SS18: variants seen among roughly 807,000 people sequenced by gnomAD.
SS18 encodes the protein SS18 subunit of BAF chromatin remodeling complex.
In SS18, 28 loss-of-function variants were observed where a neutral mutation model predicts 72.5. The observed-to-expected ratio is 0.39, with a 90% CI of 0.29 to 0.53. The LOEUF is 0.53. Among genes scored for constraint, SS18 ranks in the 20% least tolerant of loss-of-function variants. The pLI is 0.76. For synonymous variants in SS18, 172 were observed against 164.2 expected (o/e 1.05, Z -0.37); for missense variants, 518 against 535.3 (o/e 0.97, Z 0.32).
At chr18:26,055,694 C>T (rs370304642) in intron 4 of SS18, among the ~76,000 whole-genome samples, 2 of 150,634 alleles carry the variant, frequency 1.3e-5, no homozygotes, top group South Asian at 4.2e-4. Flanking sequence ...ACTGGCCTTC[C>T]AATTTCTCCT....
chr18:26,048,318 A>G (rs2053864844), intron 5 of SS18, among the ~76,000 whole-genome samples: 1 of 152,220 alleles, frequency 6.6e-6, no homozygotes, highest in East Asian at 1.9e-4. Flanking sequence ...CATTTTTTCC[A>G]GAAGTATTTG....
intron 10 of SS18, among the ~76,000 whole-genome samples, chr18:26,021,080 T>A (rs567927689): frequency 5.8e-4 from 89 of 152,272 alleles, no homozygotes; most frequent in African/African-American, 2.0e-3. Context: ...GGCCCATACT[T>A]GATCACAATG....
chr18:26,083,258 C>CAT (rs58482124), intron 2 of SS18, among the ~76,000 whole-genome samples: 15,585 of 151,720 alleles, frequency 0.1, 1,176 homozygotes, highest in African/African-American at 0.19. Context: ...GGGAAATGAT[C>CAT]ATATATATAT....
intron 5 of SS18, among the ~76,000 whole-genome samples, chr18:26,050,111 T>A (rs2053895250): frequency 6.6e-6 from 1 of 152,058 alleles, no homozygotes; most frequent in Admixed American, 6.6e-5. Flanking sequence ...GGCAGGCACC[T>A]GTCATCCCAG....
At chr18:26,056,049 G>C (rs762793560) in intron 4 of SS18, among the ~76,000 whole-genome samples, 1 of 152,108 alleles carries the variant, frequency 6.6e-6, no homozygotes, top group African/African-American at 2.4e-5. Context: ...GAGCCACCGC[G>C]CCTGGCCTGG....
intron 5 of SS18, 27 bp downstream of exon 5, chr18:26,052,597 G>A (rs1300589049): frequency 6.4e-7 from 1 of 1,569,282 alleles, no homozygotes; most frequent in South Asian, 1.1e-5. Flanking sequence ...GAGCACTCTA[G>A]TCAAGAAGGA....
In SS18 at chr18:26,057,500, T is replaced by C. The variant is rs1283633930; in HGVS notation, c.385+89A>G. ...CTCGGGGGCATTCAAAGCAGTTTTGTCATCAACAATCTAGTATCCCTTGAG... is the reference window on the plus strand; with the variant it reads ...CTCGGGGGCATTCAAAGCAGTTTTGCCATCAACAATCTAGTATCCCTTGAG... On this transcript the variant is annotated intron_variant, in intron 4 of 10. Transcript: ENST00000415083. 1.3e-5 allele frequency: 19 copies of C among 1,509,728 alleles called. 1 individual carries two copies. In the South Asian group the frequency reaches 2.2e-4, roughly 17 times the overall value. The allele number at this position is 1,509,728 out of a possible 1,614,324, so 93.5% of individuals were successfully genotyped here.
intron 10 of SS18, among the ~76,000 whole-genome samples, chr18:26,029,525 G>A (rs923641514): frequency 2.0e-5 from 3 of 152,130 alleles, no homozygotes; most frequent in African/African-American, 7.2e-5. Context: ...TGAAGGAAGA[G>A]GTGAAGGGGT....
chr18:26,089,466 T>A (rs2054675623), intron 1 of SS18, among the ~76,000 whole-genome samples: 1 of 152,226 alleles, frequency 6.6e-6, no homozygotes, highest in Non-Finnish European at 1.5e-5. Context: ...AGAAACCGAT[T>A]AGCATAATCT....
At position 26,030,684 on chromosome 18, in the gene SS18, CA is replaced by C. The variant is rs2053528328; in HGVS notation, c.1230+1714del. 2.6e-5 allele frequency among the ~76,000 whole-genome samples: 4 copies of C among 151,644 alleles called. No individual in the cohort carries two copies. The South Asian group carries it at 8.3e-4, about 32-fold the overall frequency. On this transcript the variant is annotated intron_variant, in intron 10 of 10. Transcript: ENST00000415083. ...ACAACATGCTAAAGCTGAGGGAATC[CA>C]AAGACAAGAGATGTTCTGTACATTT...
intron 9 of SS18, among the ~76,000 whole-genome samples, chr18:26,033,584 GC>G (rs1237845567): frequency 6.6e-6 from 1 of 151,138 alleles, no homozygotes; most frequent in Non-Finnish European, 1.5e-5. Flanking sequence ...TTCAAAACCT[GC>G]CATAAAAACA....
In SS18 at chr18:26,052,657, G is replaced by A. The variant is rs746766832; in HGVS notation, c.574C>T (p.Pro192Ser). The A allele has an allele frequency of 1.9e-6, 3 of 1,613,956 alleles. No individual in the cohort carries two copies. In the East Asian group the frequency reaches 6.7e-5, roughly 36 times the overall value. ...SQGQPMGNYG[P>S]RPNMSMQPNQ... ...GGCTGCATACTCATATTTGGTCTGG[G>A]ACCATAGTTTCCCATTGGTTGTCCC... Residue 192 changes from proline to serine, a missense_variant, in exon 5 of 11, where the codon CCC becomes TCC. Coordinates refer to ENST00000415083, the MANE Select transcript of SS18 (RefSeq NM_001007559.3).
chr18:26,058,268 T>C (rs571375743), intron 3 of SS18, among the ~76,000 whole-genome samples: 1 of 152,304 alleles, frequency 6.6e-6, no homozygotes, highest in Non-Finnish European at 1.5e-5. Flanking sequence ...ATTGGAAACA[T>C]TACTGATGGC....
chr18:26,057,861 G>A (rs967958489), intron 3 of SS18, 119 bp from the exon 4 acceptor site: 17 of 940,484 alleles, frequency 1.8e-5, no homozygotes, highest in African/African-American at 1.7e-4. Flanking sequence ...AATGCATTTC[G>A]AATTCTTCTA....
intron 10 of SS18, among the ~76,000 whole-genome samples, chr18:26,019,626 C>T (rs548400774): frequency 2.4e-4 from 36 of 151,972 alleles, no homozygotes; most frequent in Non-Finnish European, 4.6e-4. Context: ...GCCTGACTAA[C>T]ATGGTGAAAC....
chr18:26,088,401 G>A (rs1229374402), intron 1 of SS18, among the ~76,000 whole-genome samples: 2 of 152,092 alleles, frequency 1.3e-5, no homozygotes, highest in Non-Finnish European at 2.9e-5. Context: ...TAACAGCATG[G>A]TTTTGTGACT....
chr18:26,057,542 G>A, intron 4 of SS18, 47 bp downstream of exon 4: 1 of 1,611,512 alleles, frequency 6.2e-7, no homozygotes, highest in Non-Finnish European at 8.5e-7. Flanking sequence ...TGTCGTTTCA[G>A]TTGCTAAGCA....
chr18:26,078,243 TA>T (rs2054452359), intron 2 of SS18, 83 bp from the exon 3 acceptor site: 2 of 955,230 alleles, frequency 2.1e-6, no homozygotes, highest in Non-Finnish European at 3.1e-6. Context: ...TAATCATTTC[TA>T]AAGTTTCATT....
intron 3 of SS18, among the ~76,000 whole-genome samples, chr18:26,062,964 A>AG (rs1568017983): frequency 6.6e-6 from 1 of 152,222 alleles, no homozygotes; most frequent in Non-Finnish European, 1.5e-5. Flanking sequence ...AATGTATAGA[A>AG]GAAAAAAAAC....
Sources: gnomAD v4.1 joint callset for allele counts (sites outside exome capture counted in the v4.1 genomes callset) on GRCh38, gnomAD v4.1.1 for gene constraint, MANE v1.5 for transcripts, NCBI Gene and HGNC (gene_info 2026-07-23, HGNC 2026-07-21) for gene names.